The following ZNF579 variants were observed in gnomAD, a reference collection of about 807,000 sequenced individuals.
The protein encoded by ZNF579 is zinc finger protein 579.
In ZNF579, 3 loss-of-function variants were observed where a neutral mutation model predicts 5.7. The ratio of observed to expected loss-of-function variants is 0.53; its 90% CI spans 0.24 to 1.36. The LOEUF is 1.36. ZNF579 is among the 40% of genes most tolerant of loss of function. The probability of loss-of-function intolerance (pLI) is 0.16; values close to 1 mark genes in which losing one functional copy is unlikely to be tolerated. For missense variants in ZNF579, 679 were observed against 877.6 expected, an observed-to-expected ratio of 0.77 and a Z score of 2.86; for synonymous variants, 454 against 409.0, an observed-to-expected ratio of 1.11 and a Z score of -1.33.
chr19:55,578,274 G>A lies in ZNF579; in HGVS notation c.1366C>T (p.Leu456Phe). 1 of 1,325,422 alleles carries A rather than the reference G, an allele frequency of 7.5e-7. No homozygotes were observed. 82.1% of individuals were successfully genotyped at this position (1,325,422 alleles called of 1,614,324 possible). Residue 456 changes from leucine to phenylalanine, a missense_variant, in exon 2 of 2, where the codon CTC becomes TTC. Physicochemically the swap from Leu to Phe is conservative, Grantham distance 22. Transcript: ENST00000325421. ...CGGTGGCAGCGCTGGTGGCGCAGGA[G>A]GCTGTAGGCGCGCGAGAAGCGGCGC... is the stretch of plus-strand genomic sequence containing the variant. ...CPRRFSRAYS[L>F]LRHQRCHRAE...
rs1402737991 is a variant in ZNF579 at position 55,579,243 on chromosome 19, C to G, written c.397G>C (p.Glu133Gln). 6.6e-7 allele frequency: 1 copy of G among 1,520,774 alleles called. No homozygotes were observed. The allele number at this position is 1,520,774 out of a possible 1,614,324, so 94.2% of individuals were successfully genotyped here. The change falls in exon 2 of 2, where the codon GAG becomes CAG. Residue 133 changes from glutamate (E) to glutamine (Q), a missense_variant. By Grantham distance (29) the Glu-to-Gln change is conservative. Around this residue, in one of 6 missense-constraint regions of ZNF579, gnomAD observed 209 missense variants for 223.4 expected, o/e 0.94. Transcript: ENST00000325421. ...HAGGEVELAI[E>Q]RVAKETAEPS... ...TCGGCCGTCTCCTTGGCCACCCTCTCGATGGCCAGCTCGACCTCGCCGCCC... is the reference window on the plus strand; with the variant it reads ...TCGGCCGTCTCCTTGGCCACCCTCTGGATGGCCAGCTCGACCTCGCCGCCC...
In ZNF579 at chr19:55,578,318, T is replaced by G. The variant is rs1979465499; in HGVS notation, c.1322A>C (p.His441Pro). 1 of 1,323,670 alleles carries G rather than the reference T, an allele frequency of 7.6e-7. No individual in the cohort carries two copies. Among genetic ancestry groups the G allele is most frequent in the Non-Finnish European group, 9.6e-7 (1 of 1,042,944 alleles). 82.0% of individuals were successfully genotyped at this position (1,323,670 alleles called of 1,614,324 possible). The change falls in exon 2 of 2, where the codon CAC (histidine) becomes CCC (proline). Residue 441 changes from histidine (H) to proline (P), a missense_variant. By Grantham distance (77) the His-to-Pro change is moderately conservative (BLOSUM62 -2). Coordinates refer to ENST00000325421, the MANE Select transcript of ZNF579 (RefSeq NM_152600.3). The stretch of plus-strand genomic sequence containing the variant: ...GCGGCGCGGGCAGCGGGGGCACGGG[T>G]GCGGGGCTGGGCCCCCCGCGTGCAC... The part of the protein sequence containing the change: ...AQVHAGGPAP[H>P]PCPRCPRRFS...
Position 55,579,485 on chromosome 19 carries a change from A to G in ZNF579, c.155T>C (p.Leu52Pro). ...APLPCPTCGR[L>P]FRFPYYLSRH... ...GGAGAGGTAGTAGGGGAAACGGAAG[A>G]GGCGGCCGCAGGTGGGGCAGGGCAG... Residue 52 changes from leucine (L) to proline (P), a missense_variant, in exon 2 of 2, where the codon CTC becomes CCC. This residue lies in a region of ZNF579 where 134 missense variants were observed against 208.9 expected (regional missense o/e 0.64). Transcript: ENST00000325421. The G allele has an allele frequency of 7.4e-7, 1 of 1,356,144 alleles. No individual in the cohort carries two copies. Among genetic ancestry groups the G allele is most frequent in the Non-Finnish European group, 9.5e-7 (1 of 1,054,912 alleles). 84.0% of individuals were successfully genotyped at this position (1,356,144 alleles called of 1,614,324 possible).
Position 55,578,323 on chromosome 19 carries a change from G to T in ZNF579, c.1317C>A (p.Ala439=). 2.2e-6 allele frequency: 3 copies of T among 1,351,210 alleles called. No homozygotes were observed. The highest frequency in any genetic ancestry group is 3.1e-5 in the African/African-American group (2 of 64,030). The allele number at this position is 1,351,210 out of a possible 1,614,324, so 83.7% of individuals were successfully genotyped here. A position where few individuals can be genotyped will look rare whatever the true frequency, so the allele number is the denominator to read the frequency against. ...GCGGGCAGCGGGGGCACGGGTGCGG[G>T]GCTGGGCCCCCCGCGTGCACCTGTG... ...RHAQVHAGGP[A]PHPCPRCPRR... Residue 439 remains alanine, a synonymous_variant, in exon 2 of 2, where the codon GCC becomes GCA. Transcript: ENST00000325421.
chr19:55,578,233 CCT>C lies in ZNF579; in HGVS notation c.1405_1406del (p.Arg469GlyfsTer39). 6.9e-7 allele frequency: 1 copy of C among 1,446,122 alleles called. No individual in the cohort carries two copies. The highest frequency in any genetic ancestry group is 9.0e-7 in the Non-Finnish European group (1 of 1,107,226). 89.6% of individuals were successfully genotyped at this position (1,446,122 alleles called of 1,614,324 possible). ...CCTGCAGTGCCTGCAGCGCGGCGGC[CCT>C]CTCCAGCTCTGCGCGGTGGCAGCGC... Reference protein sequence around the residue: ...HQRCHRAELERAAALQALQAQ... With the variant: ...HQRCHRAELEXAAALQALQAQ... On this transcript the variant is annotated frameshift_variant, in exon 2 of 2. Transcript: ENST00000325421. LOFTEE classifies it high-confidence loss of function.
chr19:55,578,330 C>T lies in ZNF579; in HGVS notation c.1310G>A (p.Gly437Asp). The T allele has an allele frequency of 7.3e-7, 1 of 1,362,004 alleles. No homozygotes were observed. The highest frequency in any genetic ancestry group is 9.4e-7 in the Non-Finnish European group (1 of 1,064,904). The allele number at this position is 1,362,004 out of a possible 1,614,324, so 84.4% of individuals were successfully genotyped here. A position where few individuals can be genotyped will look rare whatever the true frequency, so the allele number is the denominator to read the frequency against. Reference sequence around the variant, plus strand: ...GCGGGGGCACGGGTGCGGGGCTGGGCCCCCCGCGTGCACCTGTGCGTGGCG... The same window carrying T: ...GCGGGGGCACGGGTGCGGGGCTGGGTCCCCCGCGTGCACCTGTGCGTGGCG... The part of the protein sequence containing the change: ...LARHAQVHAG[G>D]PAPHPCPRCP... The change falls in exon 2 of 2, where the codon GGC becomes GAC. Residue 437 changes from glycine to aspartate, a missense_variant. Transcript: ENST00000325421.
In ZNF579 at chr19:55,577,617, A is replaced by G; in HGVS notation, c.*334T>C. The G allele has an allele frequency of 5.3e-6, 2 of 375,012 alleles. No individual in the cohort carries two copies. The allele number at this position is 375,012 out of a possible 1,614,324, so 23.2% of individuals were successfully genotyped here. On this transcript the variant is annotated 3_prime_UTR_variant, in exon 2 of 2. Coordinates refer to ENST00000325421, the MANE Select transcript of ZNF579 (RefSeq NM_152600.3). ...GGGACCCCCAGGGTCTGGCAGTTCC[A>G]AAGAGGTGATGGTGTCCAGTGTGTG...
Position 55,579,453 on chromosome 19 carries a change from G to T in ZNF579, c.187C>A (p.Arg63=), listed in dbSNP as rs1477956956. 2 of 1,340,168 alleles carry T rather than the reference G, an allele frequency of 1.5e-6. No individual in the cohort carries two copies. Among genetic ancestry groups the T allele is most frequent in the East Asian group, 3.2e-5 (1 of 30,886 alleles). 83.0% of individuals were successfully genotyped at this position (1,340,168 alleles called of 1,614,324 possible). A position where few individuals can be genotyped will look rare whatever the true frequency, so the allele number is the denominator to read the frequency against. ...GGCCGGAGCCCCGAGTGGCTCAGCCGGTGCCGGGAGAGGTAGTAGGGGAAA... is the reference window on the plus strand; with the variant it reads ...GGCCGGAGCCCCGAGTGGCTCAGCCTGTGCCGGGAGAGGTAGTAGGGGAAA... ...FRFPYYLSRH[R]LSHSGLRPHA... is the part of the protein sequence containing the mutation. Residue 63 remains arginine (R), a synonymous_variant, in exon 2 of 2, where the codon CGG becomes AGG. Transcript: ENST00000325421.
chr19:55,580,529 C>T (rs1160767688), intron 1 of ZNF579, among the ~76,000 whole-genome samples: 1 of 150,542 alleles, frequency 6.6e-6, no homozygotes, highest in Non-Finnish European at 1.5e-5. Context: ...GGGCTGGGCT[C>T]CCAGGACAAG....
At position 55,578,575 on chromosome 19, in the gene ZNF579, C is replaced by G; in HGVS notation, c.1065G>C (p.Ala355=). ...CCCCTTCCGAGGCACCCCCGCACTC[C>G]GCCCCCTCGCCCCCCTCCGGCCCCT... ...SAKGPEGGEG[A]ECGGASEGGE... Residue 355 remains alanine (A), a synonymous_variant, in exon 2 of 2, where the codon GCG becomes GCC. Transcript: ENST00000325421. 2 of 1,451,572 alleles carry G rather than the reference C, an allele frequency of 1.4e-6. No individual in the cohort carries two copies. Among genetic ancestry groups the G allele is most frequent in the East Asian group, 5.3e-5 (2 of 37,834 alleles). The allele number at this position is 1,451,572 out of a possible 1,614,324, so 89.9% of individuals were successfully genotyped here.
rs1265548907 is a variant in ZNF579 at position 55,578,746 on chromosome 19, G to A, written c.894C>T (p.Phe298=). The A allele has an allele frequency of 1.9e-6, 3 of 1,600,908 alleles. No homozygotes were observed. The highest frequency in any genetic ancestry group is 2.3e-5 in the East Asian group (1 of 43,984). The change falls in exon 2 of 2, where the codon TTC becomes TTT. Residue 298 remains phenylalanine, a synonymous_variant. Transcript: ENST00000325421. ...HRLVHSTDRP[F]VCPDCGLAFR... ...AGGCCAGGCCGCAGTCTGGGCACAC[G>A]AAAGGGCGGTCGGTGGAGTGGACCA...
rs956479940 is a variant in ZNF579 at position 55,577,854 on chromosome 19, G to C, written c.*97C>G. Reference sequence around the variant, plus strand: ...TTAGTGTCAAGGGCGTGAAGGGGACGGGTGGGTAGACAGAGGAGGTGGCTC... The same window carrying C: ...TTAGTGTCAAGGGCGTGAAGGGGACCGGTGGGTAGACAGAGGAGGTGGCTC... On this transcript the variant is annotated 3_prime_UTR_variant, in exon 2 of 2. Coordinates refer to ENST00000325421, the MANE Select transcript of ZNF579 (RefSeq NM_152600.3). 8 of 1,513,838 alleles carry C rather than the reference G, an allele frequency of 5.3e-6. No homozygotes were observed. In the African/African-American group the frequency reaches 5.5e-5, roughly 10 times the overall value. The allele number at this position is 1,513,838 out of a possible 1,614,324, so 93.8% of individuals were successfully genotyped here.
rs1299745251 is a variant in ZNF579, at chr19:55,577,832, G to A, written c.*119C>T. 1 of 1,485,274 alleles carries A rather than the reference G, an allele frequency of 6.7e-7. No homozygotes were observed. Among genetic ancestry groups the A allele is most frequent in the African/African-American group, 1.4e-5 (1 of 71,858 alleles). The allele number at this position is 1,485,274 out of a possible 1,614,324, so 92.0% of individuals were successfully genotyped here. ...GCAGTCCAGGGCCCCCCACTCCTTA[G>A]TGTCAAGGGCGTGAAGGGGACGGGT... On this transcript the variant is annotated 3_prime_UTR_variant, in exon 2 of 2. Coordinates refer to ENST00000325421, the MANE Select transcript of ZNF579 (RefSeq NM_152600.3).
At chr19:55,580,071 A>C (rs12610510) in intron 1 of ZNF579, 34,566 of 159,278 alleles carry the variant, frequency 0.22, 4,006 homozygotes, top group African/African-American at 0.31. Context: ...ATAGTGCAAG[A>C]GCAGAGATCA....
Position 55,577,675 on chromosome 19 carries a change from CCA to C in ZNF579, c.*274_*275del, listed in dbSNP as rs1979421859. 1 of 460,828 alleles carries C rather than the reference CCA, an allele frequency of 2.2e-6. No individual in the cohort carries two copies. The highest frequency in any genetic ancestry group is 4.1e-5 in the Admixed American group (1 of 24,320). 28.5% of individuals were successfully genotyped at this position (460,828 alleles called of 1,614,324 possible). ...GGACAGGGAGGCGGGGGCGTCCCCACCAGTCTCCATCCCTCTGGCCAACTGTC... is the reference window on the plus strand; with the variant it reads ...GGACAGGGAGGCGGGGGCGTCCCCACGTCTCCATCCCTCTGGCCAACTGTC... On this transcript the variant is annotated 3_prime_UTR_variant, in exon 2 of 2. Transcript: ENST00000325421.
rs1434354999 is a variant in ZNF579, at chr19:55,579,121, C to T, written c.519G>A (p.Thr173=). Residue 173 remains threonine (T), a synonymous_variant, in exon 2 of 2, where the codon ACG becomes ACA. Coordinates refer to ENST00000325421, the MANE Select transcript of ZNF579 (RefSeq NM_152600.3). ...EEEAVAAWPE[T]WPAGEPSTLA... ...GCGTGGAAGGCTCCCCCGCAGGCCA[C>T]GTCTCAGGCCACGCTGCGACCGCCT... 2.0e-6 allele frequency: 3 copies of T among 1,526,090 alleles called. No homozygotes were observed. The highest frequency in any genetic ancestry group is 2.6e-6 in the Non-Finnish European group (3 of 1,142,584). The allele number at this position is 1,526,090 out of a possible 1,614,324, so 94.5% of individuals were successfully genotyped here.
rs1979566307 is a variant in ZNF579, at chr19:55,579,532, G to A, written c.108C>T (p.Gly36=). 1.4e-6 allele frequency: 2 copies of A among 1,442,290 alleles called. No homozygotes were observed. Among genetic ancestry groups the A allele is most frequent in the African/African-American group, 1.5e-5 (1 of 66,148 alleles). 89.3% of individuals were successfully genotyped at this position (1,442,290 alleles called of 1,614,324 possible). A position where few individuals can be genotyped will look rare whatever the true frequency, so the allele number is the denominator to read the frequency against. Reference sequence around the variant, plus strand: ...GCAGGGGCGCCCTAGGGGCTCCAGCGCCCCCCCTGCCACGGCCACGGCCCC... The same window carrying A: ...GCAGGGGCGCCCTAGGGGCTCCAGCACCCCCCCTGCCACGGCCACGGCCCC... The part of the protein sequence containing the change: ...RGRGRGRGRG[G]AGAPRAPLPC... Residue 36 remains glycine, a synonymous_variant, in exon 2 of 2, where the codon GGC becomes GGT. Coordinates refer to ENST00000325421, the MANE Select transcript of ZNF579 (RefSeq NM_152600.3).
rs769695485 is a variant in ZNF579, at chr19:55,578,803, G to A, written c.837C>T (p.Phe279=). 2.5e-6 allele frequency: 4 copies of A among 1,602,266 alleles called. No individual in the cohort carries two copies. In the African/African-American group the frequency reaches 5.4e-5, roughly 22 times the overall value. ...RHQCSICLKA[F]ARPWSLSRHR... ...GGCGCGACAGGGACCAGGGCCTGGC[G>A]AAGGCCTTGAGGCAGATGGAGCACT... The change falls in exon 2 of 2, where the codon TTC becomes TTT. Residue 279 remains phenylalanine, a synonymous_variant. Transcript: ENST00000325421.
At position 55,577,843 on chromosome 19, in the gene ZNF579, G is replaced by A. The variant is rs1299636985; in HGVS notation, c.*108C>T. 4 of 1,501,242 alleles carry A rather than the reference G, an allele frequency of 2.7e-6. No individual in the cohort carries two copies. Among genetic ancestry groups the A allele is most frequent in the South Asian group, 1.3e-5 (1 of 76,252 alleles). The allele number at this position is 1,501,242 out of a possible 1,614,324, so 93.0% of individuals were successfully genotyped here. A position where few individuals can be genotyped will look rare whatever the true frequency, so the allele number is the denominator to read the frequency against. On this transcript the variant is annotated 3_prime_UTR_variant, in exon 2 of 2. Coordinates refer to ENST00000325421, the MANE Select transcript of ZNF579 (RefSeq NM_152600.3). ...CCCCCCACTCCTTAGTGTCAAGGGC[G>A]TGAAGGGGACGGGTGGGTAGACAGA...
Sources: allele counts gnomAD v4.1 joint callset (sites outside exome capture counted in the v4.1 genomes callset), GRCh38; gene constraint gnomAD v4.1.1; regional missense constraint gnomAD v4.1.1; transcripts MANE v1.5; gene names NCBI Gene and HGNC (gene_info 2026-07-23, HGNC 2026-07-21).